The following MANBA variants were observed in gnomAD, a reference collection of about 807,000 sequenced individuals.
MANBA encodes mannosidase beta, also known as beta-mannosidase.
In MANBA, 83 loss-of-function variants were observed where a neutral mutation model predicts 111.1. The observed-to-expected ratio is 0.75, with a 90% CI of 0.63 to 0.90. The LOEUF (loss-of-function observed/expected upper bound fraction) is 0.90, where lower values mean the gene tolerates loss of function less well. MANBA is among the 40% of genes least tolerant of loss of function. The pLI is 0.00. For synonymous variants in MANBA, 370 were observed against 378.7 expected (o/e 0.98, Z 0.27); for missense variants, 1,036 against 1,069.0 (o/e 0.97, Z 0.43).
chr4:102,730,818 A>C, intron 1 of MANBA: 4 of 410,178 alleles, frequency 9.8e-6, no homozygotes, highest in South Asian at 1.9e-5. Flanking sequence ...TTGTCCTCAA[A>C]CTCAACTATC....
intron 5 of MANBA, among the ~76,000 whole-genome samples, chr4:102,708,956 G>T (rs1045572481): frequency 6.6e-6 from 1 of 151,786 alleles, no homozygotes; most frequent in Non-Finnish European, 1.5e-5. Context: ...ACGACTATAC[G>T]CTAACAAACT....
intron 1 of MANBA, among the ~76,000 whole-genome samples, chr4:102,737,292 G>A (rs1273153805): frequency 6.6e-6 from 1 of 152,162 alleles, no homozygotes; most frequent in African/African-American, 2.4e-5. Flanking sequence ...GGTGGGGAGG[G>A]GTGAGGCCTG....
At chr4:102,743,680 A>C (rs574778770) in intron 1 of MANBA, among the ~76,000 whole-genome samples, 1 of 152,212 alleles carries the variant, frequency 6.6e-6, no homozygotes, top group South Asian at 2.1e-4. Flanking sequence ...CTTCCATTTG[A>C]TGAGGGAATG....
chr4:102,729,484 T>G (rs1722947146), intron 1 of MANBA: 1 of 1,094,628 alleles, frequency 9.1e-7, no homozygotes, highest in African/African-American at 1.5e-5. Context: ...CTGGATCTCC[T>G]CTTCATACAG....
At chr4:102,659,210 T>C (rs1449961563) in intron 11 of MANBA, among the ~76,000 whole-genome samples, 2 of 152,182 alleles carry the variant, frequency 1.3e-5, no homozygotes, top group Non-Finnish European at 2.9e-5. Context: ...GAAGAGTAGA[T>C]GGCAATTTAG....
chr4:102,720,982 G>C (rs528437119), intron 4 of MANBA, among the ~76,000 whole-genome samples: 14 of 152,288 alleles, frequency 9.2e-5, no homozygotes, highest in African/African-American at 3.4e-4. Flanking sequence ...TACCTAAAGA[G>C]TATTGGGAAA....
intron 11 of MANBA, 112 bp downstream of exon 11, chr4:102,664,573 T>G: frequency 2.2e-6 from 2 of 912,966 alleles, no homozygotes; most frequent in South Asian, 2.7e-5. Flanking sequence ...CTCCTGACCT[T>G]GTGATCCGCC....
At position 102,632,014 on chromosome 4, in the gene MANBA, T is replaced by C; in HGVS notation, c.*43A>G. ...TCCTCTCCAGTCGGTGCTTTAGAAA[T>C]GCTTTATTCCCATTGTCCACTGAAA... On this transcript the variant is annotated 3_prime_UTR_variant, in exon 17 of 17. Coordinates refer to ENST00000647097, the MANE Select transcript of MANBA (RefSeq NM_005908.4). 2 of 1,487,624 alleles carry C rather than the reference T, an allele frequency of 1.3e-6. No individual in the cohort carries two copies. Among genetic ancestry groups the C allele is most frequent in the Non-Finnish European group, 1.9e-6 (2 of 1,066,598 alleles). 92.2% of individuals were successfully genotyped at this position (1,487,624 alleles called of 1,614,324 possible).
intron 1 of MANBA, among the ~76,000 whole-genome samples, chr4:102,744,515 G>A (rs1723521630): frequency 6.6e-6 from 1 of 152,240 alleles, no homozygotes. Context: ...GGCCTTGCTA[G>A]CTGAAGGCAA....
At chr4:102,664,037 CA>C (rs1472960454) in intron 11 of MANBA, among the ~76,000 whole-genome samples, 2 of 152,194 alleles carry the variant, frequency 1.3e-5, no homozygotes, top group Non-Finnish European at 2.9e-5. Flanking sequence ...TACTTTAACA[CA>C]TACGATTACA....
At chr4:102,725,220 C>T (rs537205789) in intron 2 of MANBA, among the ~76,000 whole-genome samples, 4 of 152,158 alleles carry the variant, frequency 2.6e-5, no homozygotes, top group African/African-American at 9.6e-5. Context: ...GAATTATATA[C>T]CTTAAATGAC....
At chr4:102,684,587 A>G (rs1289433214) in intron 7 of MANBA, among the ~76,000 whole-genome samples, 3 of 152,214 alleles carry the variant, frequency 2.0e-5, no homozygotes, top group African/African-American at 7.2e-5. Context: ...ATAAAATTTT[A>G]TACAACTTAA....
intron 13 of MANBA, among the ~76,000 whole-genome samples, chr4:102,640,080 G>GA (rs1359953145): frequency 6.6e-6 from 1 of 152,092 alleles, no homozygotes; most frequent in African/African-American, 2.4e-5. Flanking sequence ...TTGTCTGGTA[G>GA]ACTTGGTGTT....
At chr4:102,734,455 AG>A in intron 1 of MANBA, 3 of 1,605,938 alleles carry the variant, frequency 1.9e-6, no homozygotes, top group Non-Finnish European at 2.6e-6. Flanking sequence ...GCCATCTTCC[AG>A]CTCATCTGTG....
chr4:102,701,701 G>T (rs1350716839), intron 5 of MANBA, among the ~76,000 whole-genome samples: 1 of 152,044 alleles, frequency 6.6e-6, no homozygotes, highest in African/African-American at 2.4e-5. Flanking sequence ...ACTCTCTTCT[G>T]GCTTGTAGAG....
chr4:102,744,836 T>C (rs1578956535), intron 1 of MANBA, among the ~76,000 whole-genome samples: 1 of 152,200 alleles, frequency 6.6e-6, no homozygotes, highest in South Asian at 2.1e-4. Flanking sequence ...GGATGTGATA[T>C]TGTTTTTGAT....
At chr4:102,746,546 G>A (rs2110208635) in intron 1 of MANBA, among the ~76,000 whole-genome samples, 1 of 152,250 alleles carries the variant, frequency 6.6e-6, no homozygotes, top group Middle Eastern at 3.4e-3. Flanking sequence ...TATGGTCAAA[G>A]GTATTATGTT....
At chr4:102,643,830 TTCTGGGGATTA>T (rs1417913112) in intron 13 of MANBA, among the ~76,000 whole-genome samples, 2 of 152,176 alleles carry the variant, frequency 1.3e-5, no homozygotes, top group East Asian at 3.8e-4. Context: ...TTTTCTTTCA[TTCTGGGGATTA>T]TCTTTTCATT....
At chr4:102,744,857 TC>T (rs1412498806) in intron 1 of MANBA, among the ~76,000 whole-genome samples, 2 of 152,210 alleles carry the variant, frequency 1.3e-5, no homozygotes, top group African/African-American at 4.8e-5. Flanking sequence ...TTGCTATTTT[TC>T]TAGGTAGGGG....
Sources: gnomAD v4.1 joint callset for allele counts (sites outside exome capture counted in the v4.1 genomes callset) on GRCh38, gnomAD v4.1.1 for gene constraint, MANE v1.5 for transcripts, NCBI Gene and HGNC (gene_info 2026-07-23, HGNC 2026-07-21) for gene names.